RANBP1: variants seen among roughly 807,000 people sequenced by gnomAD.
RANBP1 encodes the protein ran-specific GTPase-activating protein.
In RANBP1, 16 loss-of-function variants were observed where a neutral mutation model predicts 31.4. The observed-to-expected ratio is 0.51, with a 90% CI of 0.34 to 0.77. The LOEUF (loss-of-function observed/expected upper bound fraction) is 0.77, where lower values mean the gene tolerates loss of function less well. RANBP1 is among the 30% of genes least tolerant of loss of function. RANBP1 has a pLI of 0.01. For missense variants in RANBP1, 265 were observed against 362.0 expected (o/e 0.73, Z 2.17); for synonymous variants, 129 against 140.5 (o/e 0.92, Z 0.58).
At chr22:20,122,454 C>A in intron 3 of RANBP1, 33 bp downstream of exon 3, 1 of 1,611,460 alleles carries the variant, frequency 6.2e-7, no homozygotes, top group Non-Finnish European at 8.5e-7. Context: ...TCGACAGTCC[C>A]CAGCAGCTTG....
chr22:20,117,122 G>C (rs2050051488), intron 1 of RANBP1: 1 of 657,466 alleles, frequency 1.5e-6, no homozygotes, highest in South Asian at 2.1e-5. Context: ...CCGGGTCTCA[G>C]GCTTGGGGCT....
chr22:20,118,732 G>A (rs2050108411), intron 1 of RANBP1, among the ~76,000 whole-genome samples: 1 of 152,226 alleles, frequency 6.6e-6, no homozygotes, highest in Non-Finnish European at 1.5e-5. Flanking sequence ...CGGCTTGTAG[G>A]GTCCCCCATC....
At chr22:20,116,812 C>T (rs759183457) in intron 1 of RANBP1, 42 of 1,472,466 alleles carry the variant, frequency 2.9e-5, no homozygotes, top group Non-Finnish European at 3.1e-5. Flanking sequence ...TATTCTCTGG[C>T]AGGTTTCCTG....
chr22:20,116,969 GGGCCTGTCACAAGGGAAGT>G (rs564262685), intron 1 of RANBP1: 21,163 of 1,556,222 alleles, frequency 0.014, 178 homozygotes, highest in Middle Eastern at 0.038. Flanking sequence ...ACCTCGTCCT[GGGCCTGTCACAAGGGAAGT>G]GGCCTGTCAC....
Position 20,125,683 on chromosome 22 carries a change from T to C in RANBP1, c.670+247T>C, listed in dbSNP as rs1602552708. 3 of 1,368,062 alleles carry C rather than the reference T, an allele frequency of 2.2e-6. No homozygotes were observed. The East Asian group carries it at 9.0e-5, about 41-fold the overall frequency. The allele number at this position is 1,368,062 out of a possible 1,614,324, so 84.7% of individuals were successfully genotyped here. ...GAACAGCAGTGCCCGCTCAGCCGCC[T>C]TGTGGCTGGCACTTTGGTTTGCTCT... On this transcript the variant is annotated intron_variant, in intron 4 of 5. Transcript: ENST00000430524.
At chr22:20,117,540 CG>C in intron 1 of RANBP1, 1 of 510,738 alleles carries the variant, frequency 2.0e-6, no homozygotes, top group Non-Finnish European at 3.0e-6. Context: ...AGCGGGCGGG[CG>C]GGAGGCGCCG....
At chr22:20,117,096 C>G (rs941820975) in intron 1 of RANBP1, 6 of 735,470 alleles carry the variant, frequency 8.2e-6, no homozygotes, top group Non-Finnish European at 6.6e-6. Context: ...GGGACTCGAA[C>G]CTGCGATGCT....
Position 20,116,238 on chromosome 22 carries a change from G to A in RANBP1, c.54G>A (p.Gln18=), listed in dbSNP as rs750468744. ...GCACACTGAGTGGGCGGCCTTTCCA[G>A]AGGGCACCATGCAAAACGCGCAGGG... The part of the protein sequence containing the change: ...ARRTLSGRPF[Q]RAPCKTRRAL... The change falls in exon 1 of 6, where the codon CAG becomes CAA. Residue 18 remains glutamine, a synonymous_variant. Coordinates refer to ENST00000430524, the MANE Select transcript of RANBP1 (RefSeq NM_001278639.2). 4.3e-6 allele frequency: 7 copies of A among 1,613,012 alleles called. No individual in the cohort carries two copies. The highest frequency in any genetic ancestry group is 5.9e-6 in the Non-Finnish European group (7 of 1,180,030).
chr22:20,120,193 C>T (rs990923228), intron 2 of RANBP1, among the ~76,000 whole-genome samples: 1 of 152,128 alleles, frequency 6.6e-6, no homozygotes, highest in Non-Finnish European at 1.5e-5. Flanking sequence ...CTGTGAGTTT[C>T]CTATCCAAGG....
chr22:20,120,519 A>G (rs895434002), intron 2 of RANBP1, among the ~76,000 whole-genome samples: 1 of 152,214 alleles, frequency 6.6e-6, no homozygotes, highest in African/African-American at 2.4e-5. Context: ...CCTGTGAGAC[A>G]GTCTCTTGCC....
rs764266377 is a variant in RANBP1, at chr22:20,126,557, T to C, written c.736+189T>C. On this transcript the variant is annotated intron_variant, in intron 5 of 5. Transcript: ENST00000430524. ...CTGGGGAGCCCTGAGCACTTGTCAG[T>C]GTTGCTGGCCTCAGTCCAATTGGGC... 5 of 1,560,870 alleles carry C rather than the reference T, an allele frequency of 3.2e-6. No individual in the cohort carries two copies. In the African/African-American group the frequency reaches 5.4e-5, roughly 17 times the overall value.
At position 20,125,429 on chromosome 22, in the gene RANBP1, T is replaced by C; in HGVS notation, c.663T>C (p.Asn221=). The C allele has an allele frequency of 6.2e-7, 1 of 1,605,350 alleles. No homozygotes were observed. Among genetic ancestry groups the C allele is most frequent in the South Asian group, 1.1e-5 (1 of 89,964 alleles). Reference sequence around the variant, plus strand: ...AGCTGCTGGCCATCCGCTTCCTGAATGCTGAGAGTGAGCCAAGGGCCCTGG... The same window carrying C: ...AGCTGCTGGCCATCCGCTTCCTGAACGCTGAGAGTGAGCCAAGGGCCCTGG... The part of the protein sequence containing the change: ...KPELLAIRFL[N]AENAQKFKTK... The change falls in exon 4 of 6, where the codon AAT becomes AAC. Residue 221 remains asparagine (N), a synonymous_variant. Transcript: ENST00000430524.
chr22:20,127,063 T>C lies in RANBP1; in HGVS notation c.*11T>C. ...GAGGAGAAGCAATAAATCGTCTTAT[T>C]TTATTTTCTTTTCCTCTCTTTCCTT... On this transcript the variant is annotated 3_prime_UTR_variant, in exon 6 of 6. Coordinates refer to ENST00000430524, the MANE Select transcript of RANBP1 (RefSeq NM_001278639.2). The C allele has an allele frequency of 6.3e-7, 1 of 1,587,798 alleles. No homozygotes were observed. The highest frequency in any genetic ancestry group is 2.3e-5 in the East Asian group (1 of 44,352).
In RANBP1 at chr22:20,127,174, CTG is replaced by C. The variant is rs1333318011; in HGVS notation, c.*123_*124del. The stretch of plus-strand genomic sequence containing the variant: ...TTTACAAGGGACGTTATATAAAGAA[CTG>C]AACTCAACATTCAGGTTGTTTTTTT... On this transcript the variant is annotated 3_prime_UTR_variant, in exon 6 of 6. Transcript: ENST00000430524. 5.4e-6 allele frequency: 4 copies of C among 734,226 alleles called. No individual in the cohort carries two copies. In the African/African-American group the frequency reaches 7.3e-5, roughly 13 times the overall value. 45.5% of individuals were successfully genotyped at this position (734,226 alleles called of 1,614,324 possible).
At chr22:20,122,562 C>A in intron 3 of RANBP1, 141 bp downstream of exon 3, 1 of 1,553,024 alleles carries the variant, frequency 6.4e-7, no homozygotes. Context: ...AATTTAAAAC[C>A]AGAAATACGT....
intron 3 of RANBP1, among the ~76,000 whole-genome samples, chr22:20,123,253 G>A: frequency 7.8e-6 from 1 of 128,422 alleles, no homozygotes; most frequent in Non-Finnish European, 1.6e-5. Context: ...TATCCGGGGT[G>A]TGTGTAGGGG....
At chr22:20,125,016 G>A in intron 3 of RANBP1, 1 of 391,246 alleles carries the variant, frequency 2.6e-6, no homozygotes, top group East Asian at 6.3e-5. Context: ...AAGTGATCTT[G>A]AACACAGCTC....
At chr22:20,125,107 T>C in intron 3 of RANBP1, 1 of 598,514 alleles carries the variant, frequency 1.7e-6, no homozygotes, top group South Asian at 2.0e-5. Context: ...TTTAAGTGAA[T>C]ATGGAGGATT....
Position 20,118,001 on chromosome 22 carries a change from T to C in RANBP1, c.247-1012T>C, listed in dbSNP as rs896905716. 5.6e-5 allele frequency: 56 copies of C among 996,688 alleles called. 1 individual carries two copies. The Middle Eastern group carries it at 2.5e-3, about 45-fold the overall frequency. The allele number at this position is 996,688 out of a possible 1,614,324, so 61.7% of individuals were successfully genotyped here. A position where few individuals can be genotyped will look rare whatever the true frequency, so the allele number is the denominator to read the frequency against. On this transcript the variant is annotated intron_variant, in intron 1 of 5. Transcript: ENST00000430524. Reference sequence around the variant, plus strand: ...GCGGGTTTCCTCCGGCTCGGCCCACTTGGGGCTCCCCACTAGTACGGTGCA... The same window carrying C: ...GCGGGTTTCCTCCGGCTCGGCCCACCTGGGGCTCCCCACTAGTACGGTGCA...
Sources: gnomAD v4.1 joint callset for allele counts (sites outside exome capture counted in the v4.1 genomes callset) on GRCh38, gnomAD v4.1.1 for gene constraint, MANE v1.5 for transcripts, NCBI Gene and HGNC (gene_info 2026-07-23, HGNC 2026-07-21) for gene names.